The following RPL39 variants were observed in gnomAD, a reference collection of about 807,000 sequenced individuals.
RPL39 encodes the protein ribosomal protein L39.
For synonymous variants in RPL39, 8 were observed against 11.4 expected, an observed-to-expected ratio of 0.70 and a Z score of 0.60; for missense variants, 6 against 37.2, an observed-to-expected ratio of 0.16 and a Z score of 2.18.
chrX:119,788,671 A>G (rs2055681685), intron 2 of RPL39, among the ~76,000 whole-genome samples: 1 of 111,012 alleles, frequency 9.0e-6, no homozygotes, highest in African/African-American at 3.3e-5. Context: ...CTGAGGTGGG[A>G]GGGTTACACC....
chrX:119,788,661 C>A (rs946990198), intron 2 of RPL39, among the ~76,000 whole-genome samples: 4 of 110,725 alleles, frequency 3.6e-5, no homozygotes, highest in Non-Finnish European at 5.7e-5. Flanking sequence ...CAGGAGGAGG[C>A]TGAGGTGGGA....
intron 2 of RPL39, chrX:119,787,240 T>C: frequency 3.6e-6 from 1 of 281,533 alleles, no homozygotes; most frequent in Non-Finnish European, 6.7e-6. Context: ...ACCCGCCTCG[T>C]CCTCCCAAAG....
At chrX:119,790,229 C>A (rs997288873) in intron 1 of RPL39, 4 of 338,750 alleles carry the variant, frequency 1.2e-5, no homozygotes, top group African/African-American at 5.2e-5. Flanking sequence ...TAAGTGGAAT[C>A]CGGTTAAGAA....
chrX:119,786,894 T>C (rs905478984), intron 2 of RPL39, among the ~76,000 whole-genome samples, 162 bp from the exon 3 acceptor site: 3 of 112,251 alleles, frequency 2.7e-5, no homozygotes, highest in African/African-American at 9.7e-5. Context: ...TAATTCCCTA[T>C]GTGTTTAAAA....
rs1301663767 is a variant in RPL39 at position 119,786,671 on chromosome X, C to T, written c.*13G>A. ...GACAGCATAAATATGTGTGCCATCT[C>T]ATGTGCAATTCCTTATAGACCCAGC... On this transcript the variant is annotated 3_prime_UTR_variant, in exon 3 of 3. Transcript: ENST00000361575. 8.7e-7 allele frequency: 1 copy of T among 1,152,818 alleles called. No individual in the cohort carries two copies. Among genetic ancestry groups the T allele is most frequent in the Non-Finnish European group, 1.2e-6 (1 of 844,791 alleles).
At position 119,791,281 on chromosome X, in the gene RPL39, C is replaced by T. The variant is rs775282771; in HGVS notation, c.3+293G>A. ...CCACCCCCCGCCTCCAGAACGAGTT[C>T]GCTACAAGCGAAGGGAAACCGGAAT... On this transcript the variant is annotated intron_variant, in intron 1 of 2. Coordinates refer to ENST00000361575, the MANE Select transcript of RPL39 (RefSeq NM_001000.4). The T allele has an allele frequency of 4.3e-4, 116 of 271,636 alleles. 1 individual carries two copies. Among genetic ancestry groups the T allele is most frequent in the African/African-American group, 3.0e-3 (108 of 35,523 alleles). The allele number at this position is 271,636 out of a possible 1,213,427, so 22.4% of individuals were successfully genotyped here. A position where few individuals can be genotyped will look rare whatever the true frequency, so the allele number is the denominator to read the frequency against.
intron 1 of RPL39, 143 bp from the exon 2 acceptor site, chrX:119,790,154 G>T: frequency 4.9e-6 from 2 of 409,567 alleles, no homozygotes; most frequent in Non-Finnish European, 8.6e-6. Flanking sequence ...ATCAAGCCAA[G>T]CAAGTCTCTG....
rs200332424 is a variant in RPL39 at position 119,791,587 on chromosome X, G to T, written c.-11C>A. ...CGATGGACTTACCATGGCGAGCAGCGGAGTCAAGAACACACCACGATGGCG... is the reference window on the plus strand; with the variant it reads ...CGATGGACTTACCATGGCGAGCAGCTGAGTCAAGAACACACCACGATGGCG... On this transcript the variant is annotated 5_prime_UTR_variant, in exon 1 of 3. Coordinates refer to ENST00000361575, the MANE Select transcript of RPL39 (RefSeq NM_001000.4). 3.9e-4 allele frequency: 454 copies of T among 1,177,122 alleles called. 5 individuals are homozygous for T. The Admixed American group carries it at 9.4e-3, about 24-fold the overall frequency.
chrX:119,787,501 G>T (rs142012747), intron 2 of RPL39: 1 of 371,509 alleles, frequency 2.7e-6, no homozygotes, highest in Admixed American at 2.6e-5. Context: ...CATTTTTAAC[G>T]CTGGAAGATA....
chrX:119,790,132 C>T, intron 1 of RPL39, 121 bp from the exon 2 acceptor site: 1 of 434,171 alleles, frequency 2.3e-6, no homozygotes, highest in Non-Finnish European at 4.0e-6. Flanking sequence ...AAAATCTTCT[C>T]AATGCTAAGC....
At chrX:119,790,884 C>G (rs946644526) in intron 1 of RPL39, 1 of 111,189 alleles carries the variant, frequency 9.0e-6, no homozygotes, top group African/African-American at 3.3e-5. Flanking sequence ...TAAATTTTGT[C>G]AAGTAATAAA....
intron 1 of RPL39, chrX:119,790,243 T>G (rs2055692103): frequency 3.2e-6 from 1 of 314,967 alleles, no homozygotes; most frequent in Admixed American, 5.0e-5. Context: ...TTAAGAAACA[T>G]GCACAAAATC....
chrX:119,789,213 G>A (rs2429003), intron 2 of RPL39, among the ~76,000 whole-genome samples: 7,599 of 110,995 alleles, frequency 0.068, 453 homozygotes, highest in African/African-American at 0.19. Context: ...AGGTTGCAGG[G>A]AGATAGTGTC....
intron 2 of RPL39, among the ~76,000 whole-genome samples, chrX:119,786,937 A>T (rs755634322): frequency 4.1e-4 from 46 of 112,142 alleles, no homozygotes; most frequent in African/African-American, 1.4e-3. Flanking sequence ...CTCTCAAAAT[A>T]ATTTGAAGGC....
intron 2 of RPL39, among the ~76,000 whole-genome samples, chrX:119,789,360 C>G (rs2055686700): frequency 8.9e-6 from 1 of 112,116 alleles, no homozygotes; most frequent in African/African-American, 3.2e-5. Context: ...AGTTTGAGAC[C>G]AGCCTGGCCA....
At chrX:119,786,942 G>C (rs41300189) in intron 2 of RPL39, among the ~76,000 whole-genome samples, 41,876 of 110,975 alleles carry the variant, frequency 0.38, 6,157 homozygotes, top group Non-Finnish European at 0.46. Flanking sequence ...AAAATAATTT[G>C]AAGGCTAGGC....
intron 1 of RPL39, chrX:119,791,181 C>T: frequency 5.5e-6 from 1 of 181,510 alleles, no homozygotes; most frequent in Non-Finnish European, 1.1e-5. Flanking sequence ...CAATACCCTC[C>T]TGATTACCCT....
intron 2 of RPL39, among the ~76,000 whole-genome samples, chrX:119,788,928 A>G (rs1336565432): frequency 8.9e-6 from 1 of 112,094 alleles, no homozygotes; most frequent in Non-Finnish European, 1.9e-5. Context: ...AGTAGAGGAC[A>G]GTTTTCCAAT....
At chrX:119,787,305 C>T (rs747167958) in intron 2 of RPL39, 2 of 355,777 alleles carry the variant, frequency 5.6e-6, no homozygotes, top group East Asian at 7.8e-5. Flanking sequence ...TCTTTACAAT[C>T]GATCAACTCC....
Sources: allele counts gnomAD v4.1 joint callset (sites outside exome capture counted in the v4.1 genomes callset), GRCh38; gene constraint gnomAD v4.1.1; transcripts MANE v1.5; gene names NCBI Gene and HGNC (gene_info 2026-07-23, HGNC 2026-07-21).